PHF21A: variants seen among roughly 807,000 people sequenced by gnomAD.
PHF21A encodes the protein BHC80a.
PHF21A carries 11 observed loss-of-function variants against 82.5 expected under a neutral mutation model. The observed-to-expected ratio is 0.13, with a 90% CI of 0.08 to 0.22. PHF21A has a LOEUF of 0.22. Among genes scored for constraint, PHF21A ranks in the 10% least tolerant of loss-of-function variants. The pLI, the probability that PHF21A is intolerant of heterozygous loss-of-function variation, is 1.00. For missense variants in PHF21A, 579 were observed against 837.8 expected, an observed-to-expected ratio of 0.69 and a Z score of 3.81; for synonymous variants, 297 against 302.8, an observed-to-expected ratio of 0.98 and a Z score of 0.20.
At chr11:45,943,208 A>G (rs1032306882) in intron 15 of PHF21A, among the ~76,000 whole-genome samples, 1 of 141,762 alleles carries the variant, frequency 7.1e-6, no homozygotes, top group African/African-American at 2.6e-5. Context: ...CTGCAGCCTC[A>G]GCCTCCCATG....
intron 6 of PHF21A, among the ~76,000 whole-genome samples, chr11:45,997,426 C>T (rs990396488): frequency 1.3e-5 from 2 of 152,116 alleles, no homozygotes; most frequent in African/African-American, 4.8e-5. Context: ...CTGCACGTTA[C>T]ATACTAGAGG....
chr11:46,071,820 C>CATGATAA (rs2096659938), intron 6 of PHF21A, among the ~76,000 whole-genome samples: 1 of 151,382 alleles, frequency 6.6e-6, no homozygotes, highest in Non-Finnish European at 1.5e-5. Flanking sequence ...ATATTTAAAG[C>CATGATAA]TGTTAAAAAT....
chr11:46,039,392 G>A lies in PHF21A; in HGVS notation c.153+37362C>T, dbSNP rs145903197. On this transcript the variant is annotated intron_variant, in intron 6 of 18. Coordinates refer to ENST00000676320, the MANE Select transcript of PHF21A (RefSeq NM_001352027.3). ...AAGGTTTAGCTAAATCAATATATGC[G>A]TGGCTGTAAAAAGTCCAAGTCTTTG... is the stretch of plus-strand genomic sequence containing the variant. Among the ~76,000 whole-genome samples the A allele has an allele frequency of 1.1e-4, 17 of 152,190 alleles. No individual in the cohort carries two copies. The East Asian group carries it at 2.3e-3, about 21-fold the overall frequency.
At chr11:46,116,374 CAG>C (rs1185828043) in intron 1 of PHF21A, among the ~76,000 whole-genome samples, 2 of 152,126 alleles carry the variant, frequency 1.3e-5, no homozygotes, top group African/African-American at 4.8e-5. Flanking sequence ...AGAAAGTTAG[CAG>C]AGTCAGTCAA....
At chr11:45,946,218 G>C in intron 14 of PHF21A, 1 of 1,020,408 alleles carries the variant, frequency 9.8e-7, no homozygotes, top group East Asian at 2.6e-5. Flanking sequence ...CAAGAGAAGG[G>C]AGGATAAGAG....
chr11:46,089,131 C>G (rs1230376188), intron 3 of PHF21A, among the ~76,000 whole-genome samples: 1 of 152,052 alleles, frequency 6.6e-6, no homozygotes, highest in Non-Finnish European at 1.5e-5. Context: ...TGCTTTTTAT[C>G]TATATTCTCA....
intron 6 of PHF21A, among the ~76,000 whole-genome samples, chr11:46,045,447 T>G (rs2096242801): frequency 6.6e-6 from 1 of 152,172 alleles, no homozygotes; most frequent in Non-Finnish European, 1.5e-5. Context: ...GGTTGTCTGA[T>G]CCAGTGGCTG....
At chr11:46,105,791 A>C (rs1488220130) in intron 1 of PHF21A, among the ~76,000 whole-genome samples, 1 of 152,202 alleles carries the variant, frequency 6.6e-6, no homozygotes, top group African/African-American at 2.4e-5. Context: ...TTCTTAGACT[A>C]CCTTCTTATC....
chr11:46,098,606 A>T (rs2097039899), intron 1 of PHF21A, among the ~76,000 whole-genome samples: 1 of 152,206 alleles, frequency 6.6e-6, no homozygotes, highest in Admixed American at 6.5e-5. Context: ...TCTAATGATC[A>T]TAACGAAAAC....
chr11:45,985,635 T>C (rs536677576), intron 6 of PHF21A, among the ~76,000 whole-genome samples: 2 of 152,340 alleles, frequency 1.3e-5, no homozygotes, highest in South Asian at 4.1e-4. Flanking sequence ...AATTGCACTT[T>C]CTTCATTTTG....
chr11:46,082,298 T>C (rs990658176), intron 4 of PHF21A, among the ~76,000 whole-genome samples: 1 of 152,248 alleles, frequency 6.6e-6, no homozygotes, highest in Non-Finnish European at 1.5e-5. Context: ...AGCGTGGCTT[T>C]TGTCCCACTA....
chr11:45,942,538 T>G (rs1007694423), intron 15 of PHF21A, among the ~76,000 whole-genome samples: 12 of 152,182 alleles, frequency 7.9e-5, no homozygotes, highest in African/African-American at 2.9e-4. Flanking sequence ...TGCTGCTCAT[T>G]AACAGGACAG....
intron 6 of PHF21A, among the ~76,000 whole-genome samples, chr11:45,985,656 G>C (rs1297403843): frequency 6.6e-6 from 1 of 152,154 alleles, no homozygotes; most frequent in East Asian, 1.9e-4. Context: ...TAAGATACTA[G>C]AAAGTTTTCC....
chr11:45,971,886 C>CTTTG (rs1439933821), intron 7 of PHF21A, among the ~76,000 whole-genome samples: 1 of 3,926 alleles, frequency 2.5e-4, no homozygotes, highest in Admixed American at 3.2e-3. Context: ...GTGTCTTTTT[C>CTTTG]TTTCTTTTTT....
At chr11:45,934,913 G>T in intron 18 of PHF21A, 1 of 377,270 alleles carries the variant, frequency 2.7e-6, no homozygotes, top group Non-Finnish European at 5.3e-6. Context: ...TGGTGAGGAG[G>T]AGAAAGCAGG....
intron 10 of PHF21A, among the ~76,000 whole-genome samples, chr11:45,964,846 A>T (rs2093336867): frequency 1.3e-5 from 2 of 152,152 alleles, no homozygotes; most frequent in South Asian, 2.1e-4. Flanking sequence ...GGAAATTTTA[A>T]TTTTTTTTGT....
intron 6 of PHF21A, among the ~76,000 whole-genome samples, chr11:46,034,627 T>C (rs2095950089): frequency 6.6e-6 from 1 of 152,204 alleles, no homozygotes; most frequent in Admixed American, 6.5e-5. Context: ...ACGGTGACTA[T>C]CCAGCTCATG....
At chr11:45,971,062 T>C in intron 8 of PHF21A, 54 bp downstream of exon 8, 3 of 1,592,996 alleles carry the variant, frequency 1.9e-6, no homozygotes, top group South Asian at 1.1e-5. Context: ...ACTATACAAA[T>C]GCGTATCCTA....
At chr11:46,012,364 G>C (rs2095430085) in intron 6 of PHF21A, among the ~76,000 whole-genome samples, 1 of 152,086 alleles carries the variant, frequency 6.6e-6, no homozygotes, top group African/African-American at 2.4e-5. Flanking sequence ...TTTATATTCA[G>C]ATGCTTTTCA....
Sources: allele counts gnomAD v4.1 joint callset (sites outside exome capture counted in the v4.1 genomes callset), GRCh38; gene constraint gnomAD v4.1.1; transcripts MANE v1.5; gene names NCBI Gene and HGNC (gene_info 2026-07-23, HGNC 2026-07-21).